Variants in EPB41L4B observed in about 807,000 individuals in gnomAD.
The protein encoded by EPB41L4B is band 4.1-like protein 4B.
A neutral mutation model predicts 112.5 loss-of-function variants in EPB41L4B; 30 were observed. That is an observed-to-expected ratio of 0.27 (90% CI 0.20 to 0.36). The LOEUF is 0.36. EPB41L4B is among the 10% of genes least tolerant of loss of function. The pLI, the probability that EPB41L4B is intolerant of heterozygous loss-of-function variation, is 1.00. For missense variants in EPB41L4B, 1,024 were observed against 1,133.3 expected, an observed-to-expected ratio of 0.90 and a Z score of 1.38; for synonymous variants, 408 against 439.7, an observed-to-expected ratio of 0.93 and a Z score of 0.90.
intron 1 of EPB41L4B, among the ~76,000 whole-genome samples, chr9:109,317,959 T>G (rs193196941): frequency 6.6e-6 from 1 of 152,286 alleles, no homozygotes; most frequent in East Asian, 1.9e-4. Context: ...AACTCAGAAT[T>G]AATTACAGGA....
intron 24 of EPB41L4B, among the ~76,000 whole-genome samples, chr9:109,181,398 C>CCT (rs1316181401): frequency 3.9e-5 from 6 of 152,188 alleles, no homozygotes; most frequent in Non-Finnish European, 8.8e-5. Flanking sequence ...CAGCACCCTG[C>CCT]CTCTCCAGCC....
At chr9:109,175,468 A>AACAC (rs59210551) in intron 25 of EPB41L4B, among the ~76,000 whole-genome samples, 13,463 of 129,162 alleles carry the variant, frequency 0.1, 760 homozygotes, top group Middle Eastern at 0.14. Context: ...CCACTGTTTA[A>AACAC]ACACACACAC....
intron 2 of EPB41L4B, among the ~76,000 whole-genome samples, chr9:109,275,499 A>T (rs1012844697): frequency 6.6e-6 from 1 of 152,184 alleles, no homozygotes; most frequent in Admixed American, 6.5e-5. Flanking sequence ...TAAATTGGCT[A>T]AGGTTTCTCC....
chr9:109,210,482 C>T (rs1330460749), intron 17 of EPB41L4B, among the ~76,000 whole-genome samples: 2 of 152,212 alleles, frequency 1.3e-5, no homozygotes, highest in South Asian at 2.1e-4. Flanking sequence ...CAGTAATGAC[C>T]GAAGACCCAC....
At chr9:109,247,664 G>T in intron 14 of EPB41L4B, 92 bp downstream of exon 14, 1 of 895,830 alleles carries the variant, frequency 1.1e-6, no homozygotes. Context: ...TGCTCATTAT[G>T]GAAAATTTAG....
In EPB41L4B at chr9:109,213,703, GT is replaced by G; in HGVS notation, c.1748del (p.Asn583ThrfsTer26). On this transcript the variant is annotated frameshift_variant, in exon 17 of 26. Coordinates refer to ENST00000374566, the MANE Select transcript of EPB41L4B (RefSeq NM_019114.5). LOFTEE classifies it high-confidence loss of function. ...GCAGAGCCCCGGCCCTTGGCACCTT[GT>G]TTATGTTGATGTGCAGAGGAGGCCA... ...GPWPPLHINI[N>X]KAEEKKVSEK... The G allele has an allele frequency of 6.2e-7, 1 of 1,613,544 alleles. No homozygotes were observed. Among genetic ancestry groups the G allele is most frequent in the South Asian group, 1.1e-5 (1 of 91,046 alleles).
chr9:109,203,541 C>T, intron 19 of EPB41L4B, 122 bp downstream of exon 19: 2 of 798,582 alleles, frequency 2.5e-6, no homozygotes, highest in Non-Finnish European at 4.1e-6. Context: ...TCTTTGGGCT[C>T]CTATTCTCTG....
intron 22 of EPB41L4B, among the ~76,000 whole-genome samples, chr9:109,189,289 A>C (rs1461475997): frequency 6.6e-6 from 1 of 152,234 alleles, no homozygotes; most frequent in Non-Finnish European, 1.5e-5. Context: ...GTTGGGGATT[A>C]GAGAGGAAAA....
At chr9:109,256,874 G>A (rs1744764202) in intron 7 of EPB41L4B, among the ~76,000 whole-genome samples, 2 of 152,184 alleles carry the variant, frequency 1.3e-5, no homozygotes, top group East Asian at 1.9e-4. Flanking sequence ...CCTGGGAGGC[G>A]GAGGTTGCAG....
At chr9:109,233,107 T>C (rs1834009413) in intron 15 of EPB41L4B, among the ~76,000 whole-genome samples, 1 of 152,216 alleles carries the variant, frequency 6.6e-6, no homozygotes, top group Non-Finnish European at 1.5e-5. Flanking sequence ...AGGAGGTTTC[T>C]GTGGGTTTCT....
At chr9:109,227,802 G>A (rs768354694) in intron 15 of EPB41L4B, among the ~76,000 whole-genome samples, 1 of 152,020 alleles carries the variant, frequency 6.6e-6, no homozygotes, top group Non-Finnish European at 1.5e-5. Flanking sequence ...GGATGGTCTC[G>A]ATCTCTTGAC....
intron 1 of EPB41L4B, among the ~76,000 whole-genome samples, chr9:109,299,750 G>A (rs1836885224): frequency 6.8e-6 from 1 of 146,336 alleles, no homozygotes; most frequent in Non-Finnish European, 1.5e-5. Context: ...CCCTCGCAAA[G>A]TTCCTTGTGT....
intron 16 of EPB41L4B, 130 bp downstream of exon 16, chr9:109,216,792 G>A (rs541173295): frequency 1.6e-5 from 15 of 949,084 alleles, no homozygotes; most frequent in South Asian, 1.0e-4. Context: ...GCCCAAACCC[G>A]GTAGCCCAGC....
chr9:109,230,880 A>T (rs904374726), intron 15 of EPB41L4B, among the ~76,000 whole-genome samples: 1 of 152,194 alleles, frequency 6.6e-6, no homozygotes, highest in African/African-American at 2.4e-5. Flanking sequence ...AAAATTGGCC[A>T]CAAGTGGTGG....
chr9:109,248,158 C>T lies in EPB41L4B; in HGVS notation c.1311-369G>A, dbSNP rs576851064. ...GCATTGCTGGGAGACCTCACAGCAC[C>T]GGCACCAGAAGCTCCAGTGATGCGC... is the stretch of plus-strand genomic sequence containing the variant. On this transcript the variant is annotated intron_variant, in intron 13 of 25. Transcript: ENST00000374566. Among the ~76,000 whole-genome samples the T allele has an allele frequency of 7.9e-5, 12 of 152,324 alleles. No individual in the cohort carries two copies. The East Asian group carries it at 1.7e-3, about 22-fold the overall frequency.
chr9:109,251,831 A>G (rs1209429992), intron 12 of EPB41L4B, among the ~76,000 whole-genome samples: 1 of 152,176 alleles, frequency 6.6e-6, no homozygotes, highest in Non-Finnish European at 1.5e-5. Flanking sequence ...AAGTGGGTAA[A>G]AGGGAAAACA....
Position 109,185,614 on chromosome 9 carries a change from G to C in EPB41L4B, c.2302-9C>G. ...TTGCTGGCGGGCTCTGCCTGCTCAC[G>C]AGGAGAGGAGAGAAGGGGAGGAGGA... On this transcript the variant is annotated splice_polypyrimidine_tract_variant and intron_variant, in intron 22 of 25. Coordinates refer to ENST00000374566, the MANE Select transcript of EPB41L4B (RefSeq NM_019114.5). 1 of 1,597,286 alleles carries C rather than the reference G, an allele frequency of 6.3e-7. No homozygotes were observed. Among genetic ancestry groups the C allele is most frequent in the Non-Finnish European group, 8.5e-7 (1 of 1,170,750 alleles).
At chr9:109,261,900 TA>T (rs1835217298) in intron 6 of EPB41L4B, among the ~76,000 whole-genome samples, 1 of 152,218 alleles carries the variant, frequency 6.6e-6, no homozygotes, top group Non-Finnish European at 1.5e-5. Flanking sequence ...AAGTAATTAC[TA>T]ATTATGAATG....
chr9:109,315,942 T>TA (rs1026358761), intron 1 of EPB41L4B, among the ~76,000 whole-genome samples: 1 of 152,102 alleles, frequency 6.6e-6, no homozygotes, highest in African/African-American at 2.4e-5. Context: ...TTTTTTTTTT[T>TA]AATGTCTATT....
Sources: gnomAD v4.1 joint callset for allele counts (sites outside exome capture counted in the v4.1 genomes callset) on GRCh38, gnomAD v4.1.1 for gene constraint, MANE v1.5 for transcripts, NCBI Gene and HGNC (gene_info 2026-07-23, HGNC 2026-07-21) for gene names.